Variants in TMEM181 observed in about 807,000 individuals in gnomAD.
TMEM181 encodes G protein-coupled receptor 178.
In TMEM181, 39 loss-of-function variants were observed where a neutral mutation model predicts 71.9. The observed-to-expected ratio is 0.54, with a 90% CI of 0.42 to 0.71. The LOEUF (loss-of-function observed/expected upper bound fraction) is 0.71. TMEM181 is among the 30% of genes least tolerant of loss of function. The pLI, the probability that TMEM181 is intolerant of heterozygous loss-of-function variation, is 0.00. For missense variants in TMEM181, 595 were observed against 583.0 expected (o/e 1.02, Z -0.21); for synonymous variants, 245 against 228.8 (o/e 1.07, Z -0.64).
intron 1 of TMEM181, among the ~76,000 whole-genome samples, chr6:158,548,249 C>T (rs540746134): frequency 6.6e-6 from 1 of 152,342 alleles, no homozygotes; most frequent in Non-Finnish European, 1.5e-5. Context: ...TACTCTCCAA[C>T]CTCCTGTCTG....
chr6:158,595,320 T>A (rs990788047), intron 6 of TMEM181, among the ~76,000 whole-genome samples: 7 of 152,252 alleles, frequency 4.6e-5, no homozygotes, highest in African/African-American at 9.6e-5. Context: ...TAGACGCTAA[T>A]GGTATTTTAG....
At chr6:158,600,833 C>A (rs1054441023) in intron 6 of TMEM181, among the ~76,000 whole-genome samples, 7 of 152,130 alleles carry the variant, frequency 4.6e-5, no homozygotes, top group African/African-American at 1.2e-4. Flanking sequence ...GACTCTTAAG[C>A]TAGAATCCCC....
intron 2 of TMEM181, among the ~76,000 whole-genome samples, chr6:158,576,264 G>A (rs1783149018): frequency 6.6e-6 from 1 of 152,210 alleles, no homozygotes; most frequent in Non-Finnish European, 1.5e-5. Context: ...GCGGCTAAAT[G>A]TGTGTTCCTA....
chr6:158,560,466 T>G (rs568476319), intron 1 of TMEM181, among the ~76,000 whole-genome samples: 318 of 152,194 alleles, frequency 2.1e-3, no homozygotes, highest in African/African-American at 7.3e-3. Context: ...CGGCCGCGGT[T>G]AGAGACCGGG....
At chr6:158,598,138 T>C (rs528771187) in intron 6 of TMEM181, among the ~76,000 whole-genome samples, 1 of 152,368 alleles carries the variant, frequency 6.6e-6, no homozygotes, top group East Asian at 1.9e-4. Flanking sequence ...GCTCTGCATA[T>C]GCAGTGACCT....
chr6:158,617,671 T>C (rs542995296), intron 10 of TMEM181, among the ~76,000 whole-genome samples: 19 of 152,230 alleles, frequency 1.2e-4, no homozygotes, highest in African/African-American at 4.1e-4. Flanking sequence ...GATTCTGGTA[T>C]GTTGTGTCTT....
chr6:158,539,411 G>A (rs1356567651), intron 1 of TMEM181, among the ~76,000 whole-genome samples: 1 of 152,264 alleles, frequency 6.6e-6, no homozygotes, highest in South Asian at 2.1e-4. Context: ...TTACAGCTCC[G>A]CATCTGTCTA....
intron 10 of TMEM181, among the ~76,000 whole-genome samples, chr6:158,617,871 A>G (rs960821133): frequency 2.3e-4 from 35 of 152,134 alleles, no homozygotes; most frequent in Admixed American, 5.2e-4. Flanking sequence ...GTTCTTTTAC[A>G]TTTGCTGAGG....
chr6:158,564,797 A>G (rs1782392032), intron 1 of TMEM181, among the ~76,000 whole-genome samples: 1 of 152,322 alleles, frequency 6.6e-6, no homozygotes, highest in South Asian at 2.1e-4. Context: ...ACAGGCCGGC[A>G]TTTTGGGCCA....
rs762993033 is a variant in TMEM181, at chr6:158,585,288, T to A, written c.260-16T>A. On this transcript the variant is annotated splice_polypyrimidine_tract_variant and intron_variant, in intron 4 of 16. Coordinates refer to ENST00000684151, the MANE Select transcript of TMEM181 (RefSeq NM_001376852.1). ...GCCTGGCATGGTCTCTAACACTGAA[T>A]TTTTTTCTTTTGTAGAAACTTCTAT... The A allele has an allele frequency of 6.3e-7, 1 of 1,589,552 alleles. No individual in the cohort carries two copies.
rs73799525 is a variant in TMEM181 at position 158,552,617 on chromosome 6, T to A, written c.131+15752T>A. 6.8e-3 allele frequency among the ~76,000 whole-genome samples: 1,036 copies of A among 152,238 alleles called. 11 individuals are homozygous for A. Among genetic ancestry groups the A allele is most frequent in the African/African-American group, 0.023 (962 of 41,538 alleles). On this transcript the variant is annotated intron_variant, in intron 1 of 16. Coordinates refer to the TMEM181 transcript ENST00000367090. ...TAGCATTGGGCCATAAGAGCAGAGT[T>A]AGAACTGAAGGGAAAAGTTACAGGA...
At chr6:158,563,013 C>G (rs1381290179) in intron 1 of TMEM181, among the ~76,000 whole-genome samples, 1 of 152,248 alleles carries the variant, frequency 6.6e-6, no homozygotes, top group Non-Finnish European at 1.5e-5. Context: ...CTGCTGTACT[C>G]TGCTCCTCTC....
chr6:158,578,095 A>G (rs1317600940), intron 2 of TMEM181, among the ~76,000 whole-genome samples: 1 of 152,218 alleles, frequency 6.6e-6, no homozygotes, highest in Non-Finnish European at 1.5e-5. Flanking sequence ...CATCTCAAAA[A>G]AAAGACAAAA....
At chr6:158,626,137 A>C (rs1053787151) in intron 13 of TMEM181, among the ~76,000 whole-genome samples, 7 of 152,170 alleles carry the variant, frequency 4.6e-5, no homozygotes, top group African/African-American at 1.7e-4. Context: ...AACACCCTTG[A>C]GCAGCATGCT....
chr6:158,567,870 A>G, intron 1 of TMEM181, among the ~76,000 whole-genome samples: 1 of 152,082 alleles, frequency 6.6e-6, no homozygotes, highest in East Asian at 1.9e-4. Flanking sequence ...GCAGGGTGGC[A>G]GGAAGGCTGG....
intron 6 of TMEM181, among the ~76,000 whole-genome samples, chr6:158,592,476 CT>C (rs11285085): frequency 0.58 from 85,956 of 148,058 alleles, 24,927 homozygotes; most frequent in African/African-American, 0.62. Flanking sequence ...GAGACCCCAT[CT>C]TTTTTTTTTT....
rs1166897203 is a variant in TMEM181, at chr6:158,585,174, CT to C, written c.260-129del. On this transcript the variant is annotated intron_variant, in intron 4 of 16. Transcript: ENST00000684151. Reference sequence around the variant, plus strand: ...GGCAATTAAGAGATTTTCAAATGTGCTGAGGCCAATGTGGCCTAAGGACCTT... The same window carrying C: ...GGCAATTAAGAGATTTTCAAATGTGCGAGGCCAATGTGGCCTAAGGACCTT... 3.2e-6 allele frequency: 3 copies of C among 937,174 alleles called. No homozygotes were observed. In the African/African-American group the frequency reaches 5.0e-5, roughly 16 times the overall value. The allele number at this position is 937,174 out of a possible 1,614,324, so 58.1% of individuals were successfully genotyped here.
At chr6:158,588,233 T>A (rs1265714892) in intron 5 of TMEM181, among the ~76,000 whole-genome samples, 1 of 152,248 alleles carries the variant, frequency 6.6e-6, no homozygotes, top group Non-Finnish European at 1.5e-5. Context: ...GGGCAGCCCC[T>A]CCCTGCGGAG....
intron 10 of TMEM181, chr6:158,611,752 G>A (rs139626237): frequency 2.3e-3 from 533 of 232,744 alleles, no homozygotes; most frequent in African/African-American, 0.012. Flanking sequence ...CAGGAAAAGC[G>A]GCTCAACAGT....
Sources: allele counts gnomAD v4.1 joint callset (sites outside exome capture counted in the v4.1 genomes callset), GRCh38; gene constraint gnomAD v4.1.1; transcripts MANE v1.5; gene names NCBI Gene and HGNC (gene_info 2026-07-23, HGNC 2026-07-21).